Variants in RNF115 observed in about 807,000 individuals in gnomAD.
RNF115 encodes ring finger protein 115.
Under a neutral mutation model 39.2 loss-of-function variants are expected in RNF115, and 31 were observed. That is an observed-to-expected ratio of 0.79 (90% confidence interval 0.59 to 1.07). The LOEUF (loss-of-function observed/expected upper bound fraction) is 1.07, where lower values mean the gene tolerates loss of function less well. RNF115 is among the 50% of genes least tolerant of loss of function. The pLI is 0.00. For synonymous variants in RNF115, 124 were observed against 131.0 expected (o/e 0.95, Z 0.37); for missense variants, 384 against 381.7 (o/e 1.01, Z -0.05).
Position 145,764,449 on chromosome 1 carries a change from G to T in RNF115, c.428+7262C>A, listed in dbSNP as rs180771231. Among the ~76,000 whole-genome samples the T allele has an allele frequency of 3.5e-4, 53 of 151,122 alleles. No homozygotes were observed. In the East Asian group the frequency reaches 8.6e-3, roughly 25 times the overall value. On this transcript the variant is annotated intron_variant, in intron 4 of 8. Transcript: ENST00000582693. ...ATGTGGGGAGCGCCTCGGCCCCACC[G>T]CCCTGTCTGGGATGTGAGGAGCGCC... is the stretch of plus-strand genomic sequence containing the variant.
At chr1:145,801,426 G>A (rs782352018) in intron 1 of RNF115, among the ~76,000 whole-genome samples, 2 of 152,026 alleles carry the variant, frequency 1.3e-5, no homozygotes, top group African/African-American at 4.8e-5. Context: ...TTAGCCAGGC[G>A]TGGTGGCACA....
chr1:145,820,587 T>G, intron 1 of RNF115, among the ~76,000 whole-genome samples: 1 of 151,836 alleles, frequency 6.6e-6, no homozygotes, highest in East Asian at 2.0e-4. Flanking sequence ...AATACAAAAA[T>G]TAGCTGGGCA....
chr1:145,820,595 G>A (rs1475720716), intron 1 of RNF115, among the ~76,000 whole-genome samples: 1 of 152,082 alleles, frequency 6.6e-6, no homozygotes, highest in African/African-American at 2.4e-5. Flanking sequence ...AATTAGCTGG[G>A]CATGGTGGCA....
intron 1 of RNF115, among the ~76,000 whole-genome samples, chr1:145,808,494 G>A (rs1234396479): frequency 2.0e-5 from 3 of 152,102 alleles, no homozygotes; most frequent in Non-Finnish European, 2.9e-5. Context: ...CTTCTTTTGA[G>A]AAATGTCTAA....
intron 3 of RNF115, 101 bp downstream of exon 3, chr1:145,784,438 G>T: frequency 1.9e-6 from 2 of 1,069,088 alleles, no homozygotes; most frequent in Non-Finnish European, 1.4e-6. Context: ...TATACATTCA[G>T]TTAAACTCTG....
chr1:145,784,623 T>C (rs2101559970), intron 2 of RNF115, 27 bp from the exon 3 acceptor site: 2 of 1,607,852 alleles, frequency 1.2e-6, no homozygotes, highest in Non-Finnish European at 1.7e-6. Flanking sequence ...TGAGTGGTGA[T>C]TCTATTCCCA....
At chr1:145,751,329 T>C (rs587740517) in intron 6 of RNF115, 109 bp downstream of exon 6, 5 of 743,420 alleles carry the variant, frequency 6.7e-6, no homozygotes, top group African/African-American at 3.5e-5. Flanking sequence ...GCTCAAAATA[T>C]TAGAGAAAGC....
intron 4 of RNF115, among the ~76,000 whole-genome samples, chr1:145,768,887 G>A (rs1327536259): frequency 6.6e-6 from 1 of 152,080 alleles, no homozygotes; most frequent in Non-Finnish European, 1.5e-5. Flanking sequence ...CTGCTAGCTG[G>A]GTATAGTAAT....
intron 6 of RNF115, among the ~76,000 whole-genome samples, chr1:145,750,713 C>T (rs782693552): frequency 5.9e-5 from 9 of 152,180 alleles, no homozygotes; most frequent in Non-Finnish European, 1.3e-4. Context: ...TATAAGCCTA[C>T]AGACAAACCC....
At chr1:145,791,355 A>C (rs1191118984) in intron 1 of RNF115, among the ~76,000 whole-genome samples, 3 of 150,674 alleles carry the variant, frequency 2.0e-5, no homozygotes, top group Non-Finnish European at 4.4e-5. Flanking sequence ...CTACTTAAAA[A>C]AAAAAAAAAA....
intron 4 of RNF115, among the ~76,000 whole-genome samples, chr1:145,767,461 C>G (rs1469248229): frequency 5.3e-5 from 8 of 151,786 alleles, no homozygotes; most frequent in African/African-American, 1.9e-4. Flanking sequence ...GGATGGCGGC[C>G]GGGCAGAGAC....
chr1:145,822,635 C>T (rs1287576928), intron 1 of RNF115, among the ~76,000 whole-genome samples: 8 of 150,830 alleles, frequency 5.3e-5, no homozygotes, highest in Non-Finnish European at 1.2e-4. Context: ...AAGGAACAAC[C>T]ATAAAGACAG....
intron 1 of RNF115, among the ~76,000 whole-genome samples, chr1:145,791,427 G>A (rs1020240696): frequency 6.6e-5 from 10 of 150,714 alleles, no homozygotes; most frequent in African/African-American, 2.2e-4. Context: ...CAGGAGAATC[G>A]CTTGAACCCA....
intron 1 of RNF115, among the ~76,000 whole-genome samples, chr1:145,810,891 G>A (rs2101602804): frequency 6.7e-6 from 1 of 148,982 alleles, no homozygotes; most frequent in Non-Finnish European, 1.5e-5. Context: ...TTTGAGACAG[G>A]GTCTCACTCT....
intron 4 of RNF115, among the ~76,000 whole-genome samples, chr1:145,766,011 T>C (rs894051410): frequency 2.9e-4 from 44 of 152,144 alleles, no homozygotes; most frequent in Admixed American, 4.6e-4. Flanking sequence ...TCTTTTTTTT[T>C]TTTTTAATTG....
At position 145,797,461 on chromosome 1, in the gene RNF115, C is replaced by T. The variant is rs1214654911; in HGVS notation, c.103-8495G>A. ...CTTAACACAATATCCTCAAGGTTCA[C>T]CCACACTGTCGCATATGACAGGATT... is the stretch of plus-strand genomic sequence containing the variant. On this transcript the variant is annotated intron_variant, in intron 1 of 8. Transcript: ENST00000582693. Among the ~76,000 whole-genome samples, 4 of 152,200 alleles carry T rather than the reference C, an allele frequency of 2.6e-5. No individual in the cohort carries two copies. In the East Asian group the frequency reaches 7.7e-4, roughly 29 times the overall value.
chr1:145,811,370 A>G (rs1314663132), intron 1 of RNF115, among the ~76,000 whole-genome samples: 17 of 146,606 alleles, frequency 1.2e-4, no homozygotes, highest in African/African-American at 2.6e-4. Context: ...AAAAAAAAAA[A>G]AAAAAGAAAA....
chr1:145,806,513 T>G (rs587768071), intron 1 of RNF115, among the ~76,000 whole-genome samples: 1 of 152,332 alleles, frequency 6.6e-6, no homozygotes, highest in East Asian at 1.9e-4. Flanking sequence ...ATGTGTCCCC[T>G]CTAAATCTCA....
chr1:145,750,351 C>A, intron 7 of RNF115, 56 bp downstream of exon 7: 2 of 1,356,096 alleles, frequency 1.5e-6, no homozygotes, highest in Non-Finnish European at 2.1e-6. Flanking sequence ...TCAGAAGATA[C>A]CGGGATTTTG....
Sources: allele counts gnomAD v4.1 joint callset (sites outside exome capture counted in the v4.1 genomes callset), GRCh38; gene constraint gnomAD v4.1.1; transcripts MANE v1.5; gene names NCBI Gene and HGNC (gene_info 2026-07-23, HGNC 2026-07-21).